The following CRMP1 variants were observed in gnomAD, a reference collection of about 807,000 sequenced individuals.
The protein encoded by CRMP1 is dihydropyrimidinase-related protein 1.
CRMP1 carries 19 observed loss-of-function variants against 68.3 expected under a neutral mutation model. The ratio of observed to expected loss-of-function variants is 0.28; its 90% CI spans 0.19 to 0.41. CRMP1 has a LOEUF of 0.41. Among genes scored for constraint, CRMP1 ranks in the 10% least tolerant of loss-of-function variants. CRMP1 has a pLI of 1.00. For missense variants in CRMP1, 791 were observed against 967.4 expected, an observed-to-expected ratio of 0.82 and a Z score of 2.42; for synonymous variants, 439 against 399.6, an observed-to-expected ratio of 1.10 and a Z score of -1.18.
intron 5 of CRMP1, 23 bp from the exon 6 acceptor site, chr4:5,849,495 T>G: frequency 2.0e-6 from 3 of 1,537,278 alleles, no homozygotes; most frequent in Non-Finnish European, 2.7e-6. Context: ...AAACAGGGGT[T>G]GGTGTGAGAT....
chr4:5,867,096 C>CT (rs956214851), intron 1 of CRMP1, among the ~76,000 whole-genome samples: 1 of 152,068 alleles, frequency 6.6e-6, no homozygotes, highest in Admixed American at 6.6e-5. Flanking sequence ...GCAAGCTGCA[C>CT]TTTTTTTTCT....
Position 5,891,322 on chromosome 4 carries a change from T to A in CRMP1, c.381+1267A>T, listed in dbSNP as rs28490410. Among the ~76,000 whole-genome samples, 62,012 of 151,648 alleles carry A rather than the reference T, an allele frequency of 0.41. 15,518 individuals are homozygous for A. Among genetic ancestry groups the A allele is most frequent in the East Asian group, 0.74 (3,789 of 5,122 alleles). ...TGGGGCCCGAAGAGGCCCACCACCG[T>A]GTTTACCAGTTCCCTGCTCCTATTC... On this transcript the variant is annotated intron_variant, in intron 1 of 13. Transcript: ENST00000324989. The surrounding 1 kb of genome is among the most constrained non-coding windows in gnomAD (Gnocchi z 5.2).
At position 5,861,156 on chromosome 4, in the gene CRMP1, G is replaced by C. The variant is rs752770907; in HGVS notation, c.525C>G (p.Asn175Lys). 6.2e-7 allele frequency: 1 copy of C among 1,614,068 alleles called. No individual in the cohort carries two copies. The highest frequency in any genetic ancestry group is 8.5e-7 in the Non-Finnish European group (1 of 1,180,036). ...TACCTCCGGGAATAACCATCCGCCCGTTGGCTTCAATGGTCTTCACTCCAC... is the reference window on the plus strand; with the variant it reads ...TACCTCCGGGAATAACCATCCGCCCCTTGGCTTCAATGGTCTTCACTCCAC... ...VPGGVKTIEA[N>K]GRMVIPGGID... is the part of the protein sequence containing the mutation. Residue 175 changes from asparagine (N) to lysine (K), a missense_variant, in exon 3 of 14, where the codon AAC becomes AAG. By Grantham distance (94) the Asn-to-Lys change is moderately conservative (BLOSUM62 0). Around this residue, in one of 3 missense-constraint regions of CRMP1, gnomAD observed 594 missense variants for 763.6 expected, o/e 0.78. Coordinates refer to ENST00000324989, the MANE Select transcript of CRMP1 (RefSeq NM_001014809.3). This position sits in a 1 kb window ranked among gnomAD's most constrained non-coding sequence, Gnocchi z 6.0.
Position 5,892,544 on chromosome 4 carries a change from C to A in CRMP1, c.381+45G>T, listed in dbSNP as rs1577859874. 6.0e-6 allele frequency: 7 copies of A among 1,165,732 alleles called. No homozygotes were observed. The highest frequency in any genetic ancestry group is 4.3e-5 in the South Asian group (1 of 23,380). The allele number at this position is 1,165,732 out of a possible 1,614,324, so 72.2% of individuals were successfully genotyped here. The stretch of plus-strand genomic sequence containing the variant: ...GGGCGCCCCATGCCCTGGGTCCTCC[C>A]GGGGCCCGCCCCCCTCGTCTGGCCC... On this transcript the variant is annotated intron_variant, in intron 1 of 13. Transcript: ENST00000324989. This position sits in a 1 kb window ranked among gnomAD's most constrained non-coding sequence, Gnocchi z 8.6.
In CRMP1 at chr4:5,853,925, C is replaced by T. The variant is rs1407006916; in HGVS notation, c.820+2218G>A. 6.6e-6 allele frequency among the ~76,000 whole-genome samples: 1 copy of T among 152,252 alleles called. No homozygotes were observed. Among genetic ancestry groups the T allele is most frequent in the African/African-American group, 2.4e-5 (1 of 41,482 alleles). ...AAAGTTGAAAGGTTGCTGCCAGGAC[C>T]TGAGCACCATCGCCATTCGCCTGCT... On this transcript the variant is annotated intron_variant, in intron 4 of 13. Coordinates refer to ENST00000324989, the MANE Select transcript of CRMP1 (RefSeq NM_001014809.3). The surrounding 1 kb of genome is among the most constrained non-coding windows in gnomAD (Gnocchi z 4.7).
At position 5,890,877 on chromosome 4, in the gene CRMP1, A is replaced by G. The variant is rs1357493661; in HGVS notation, c.381+1712T>C. Among the ~76,000 whole-genome samples, 1 of 151,766 alleles carries G rather than the reference A, an allele frequency of 6.6e-6. No homozygotes were observed. Among genetic ancestry groups the G allele is most frequent in the Non-Finnish European group, 1.5e-5 (1 of 67,938 alleles). On this transcript the variant is annotated intron_variant, in intron 1 of 13. Transcript: ENST00000324989. The surrounding 1 kb of genome is among the most constrained non-coding windows in gnomAD (Gnocchi z 5.5). ...CACAAAGCGCCCTCGCCTCCCTAGT[A>G]CTCCACCACGCTTTGAGGAAGGCCG...
chr4:5,827,613 C>A (rs960119288), intron 12 of CRMP1, among the ~76,000 whole-genome samples: 1 of 151,920 alleles, frequency 6.6e-6, no homozygotes, highest in Non-Finnish European at 1.5e-5. Context: ...CTCGCATACA[C>A]ACACGCGCAC....
intron 6 of CRMP1, among the ~76,000 whole-genome samples, chr4:5,849,184 G>C (rs1712440940): frequency 6.6e-6 from 1 of 152,190 alleles, no homozygotes; most frequent in Non-Finnish European, 1.5e-5. Flanking sequence ...AGACAATGAG[G>C]AACACCAGCT....
chr4:5,830,330 C>A (rs1720275334), intron 11 of CRMP1, among the ~76,000 whole-genome samples: 2 of 152,192 alleles, frequency 1.3e-5, no homozygotes, highest in South Asian at 4.1e-4. Context: ...TTTTGCCACA[C>A]AGATTATTTT....
In CRMP1 at chr4:5,825,810, G is replaced by A; in HGVS notation, c.1804-151C>T. 1 of 716,050 alleles carries A rather than the reference G, an allele frequency of 1.4e-6. No individual in the cohort carries two copies. Among genetic ancestry groups the A allele is most frequent in the Non-Finnish European group, 2.3e-6 (1 of 434,238 alleles). The allele number at this position is 716,050 out of a possible 1,614,324, so 44.4% of individuals were successfully genotyped here. On this transcript the variant is annotated intron_variant, in intron 12 of 13. Transcript: ENST00000324989. The surrounding 1 kb of genome is among the most constrained non-coding windows in gnomAD (Gnocchi z 4.4). ...CACACAACACGCACACACGACAGGTGCACTTCACACACATGCAGCCGCACA... is the reference window on the plus strand; with the variant it reads ...CACACAACACGCACACACGACAGGTACACTTCACACACATGCAGCCGCACA...
chr4:5,876,987 C>T (rs1321366084), intron 1 of CRMP1, among the ~76,000 whole-genome samples: 1 of 152,248 alleles, frequency 6.6e-6, no homozygotes, highest in Non-Finnish European at 1.5e-5. Context: ...GCCCCACTGA[C>T]TGTGGGTGTT....
intron 12 of CRMP1, among the ~76,000 whole-genome samples, chr4:5,827,809 G>A (rs1286619620): frequency 1.3e-5 from 2 of 152,158 alleles, no homozygotes; most frequent in Admixed American, 1.3e-4. Flanking sequence ...CAGCTGCCAT[G>A]GGGATGGGAG....
At position 5,821,676 on chromosome 4, in the gene CRMP1, CTG is replaced by C. The variant is rs1053718151; in HGVS notation, c.*82_*83del. On this transcript the variant is annotated 3_prime_UTR_variant, in exon 14 of 14. Transcript: ENST00000324989. The surrounding 1 kb of genome is among the most constrained non-coding windows in gnomAD (Gnocchi z 4.4). ...CTCCCTCCATCAGCACCAACTAAAA[CTG>C]TGGGTTTCAAAAACACTGACAGGAA... 158 of 1,328,738 alleles carry C rather than the reference CTG, an allele frequency of 1.2e-4. No homozygotes were observed. The highest frequency in any genetic ancestry group is 2.1e-4 in the Admixed American group (10 of 47,900). The allele number at this position is 1,328,738 out of a possible 1,614,324, so 82.3% of individuals were successfully genotyped here.
chr4:5,833,289 C>T (rs1720507426), intron 11 of CRMP1, among the ~76,000 whole-genome samples: 1 of 131,492 alleles, frequency 7.6e-6, no homozygotes, highest in Non-Finnish European at 1.6e-5. Flanking sequence ...GCCTCAGCCT[C>T]CCGAGTAGCT....
chr4:5,825,283 G>A lies in CRMP1; in HGVS notation c.1969+211C>T, dbSNP rs1719362756. ...GTAAACCCACATCAGGTACCACCAT[G>A]TTGCCCCCCTAACATGGACCCCCCT... is the stretch of plus-strand genomic sequence containing the variant. On this transcript the variant is annotated intron_variant, in intron 13 of 13. Coordinates refer to ENST00000324989, the MANE Select transcript of CRMP1 (RefSeq NM_001014809.3). This position sits in a 1 kb window ranked among gnomAD's most constrained non-coding sequence, Gnocchi z 4.4. 1.0e-6 allele frequency: 1 copy of A among 985,288 alleles called. No individual in the cohort carries two copies. The highest frequency in any genetic ancestry group is 1.2e-6 in the Non-Finnish European group (1 of 829,920). 61.0% of individuals were successfully genotyped at this position (985,288 alleles called of 1,614,324 possible). A position where few individuals can be genotyped will look rare whatever the true frequency, so the allele number is the denominator to read the frequency against.
chr4:5,834,128 GAC>G lies in CRMP1; in HGVS notation c.1623+1785_1623+1786del, dbSNP rs1260346360. Among the ~76,000 whole-genome samples the G allele has an allele frequency of 1.3e-5, 2 of 152,218 alleles. No individual in the cohort carries two copies. Among genetic ancestry groups the G allele is most frequent in the Non-Finnish European group, 2.9e-5 (2 of 68,038 alleles). On this transcript the variant is annotated intron_variant, in intron 11 of 13. Transcript: ENST00000324989. The surrounding 1 kb of genome is among the most constrained non-coding windows in gnomAD (Gnocchi z 4.3). Reference sequence around the variant, plus strand: ...CTTGTCCGCCGACCTTTGACTGGCTGACACAGACATTCACGTTCCTTTCTAGA... The same window carrying G: ...CTTGTCCGCCGACCTTTGACTGGCTGACAGACATTCACGTTCCTTTCTAGA...
rs904384968 is a variant in CRMP1, at chr4:5,836,827, G to C, written c.1390C>G (p.Leu464Val). The C allele has an allele frequency of 6.2e-7, 1 of 1,614,192 alleles. No individual in the cohort carries two copies. Among genetic ancestry groups the C allele is most frequent in the East Asian group, 2.2e-5 (1 of 44,880 alleles). ...QKAVGKDNFT[L>V]IPEGVNGIEE... ...ATCCCGTTGACACCCTCGGGGATCA[G>C]GGTAAAGTTGTCCTTGCCCACCGCC... Residue 464 changes from leucine (L) to valine (V), a missense_variant, in exon 10 of 14, where the codon CTG (leucine) becomes GTG (valine). By Grantham distance (32) the Leu-to-Val change is conservative. Around this residue, in one of 3 missense-constraint regions of CRMP1, gnomAD observed 594 missense variants for 763.6 expected, o/e 0.78. Transcript: ENST00000324989.
At chr4:5,878,173 G>A (rs1374730357) in intron 1 of CRMP1, among the ~76,000 whole-genome samples, 2 of 151,900 alleles carry the variant, frequency 1.3e-5, no homozygotes, top group Admixed American at 6.6e-5. Context: ...ACAGCCAAGA[G>A]ATGGTACAGC....
rs767744375 is a variant in CRMP1, at chr4:5,881,104, G to T, written c.381+11485C>A. Among the ~76,000 whole-genome samples the T allele has an allele frequency of 6.6e-6, 1 of 152,204 alleles. No individual in the cohort carries two copies. The highest frequency in any genetic ancestry group is 6.5e-5 in the Admixed American group (1 of 15,286). ...ATACAAAGGCAGAGGGCCACACATG[G>T]TGTGCCAGGTCAAGGCGAATGCTCT... On this transcript the variant is annotated intron_variant, in intron 1 of 13. Coordinates refer to ENST00000324989, the MANE Select transcript of CRMP1 (RefSeq NM_001014809.3). The surrounding 1 kb of genome is among the most constrained non-coding windows in gnomAD (Gnocchi z 4.6).
Sources: gnomAD v4.1 joint callset for allele counts (sites outside exome capture counted in the v4.1 genomes callset) on GRCh38, gnomAD v4.1.1 for gene constraint, gnomAD v4.1.1 regional missense constraint, Gnocchi (gnomAD v3.1) non-coding constraint, MANE v1.5 for transcripts, NCBI Gene and HGNC (gene_info 2026-07-23, HGNC 2026-07-21) for gene names.